SPDYE4: variants seen among roughly 807,000 people sequenced by gnomAD.
SPDYE4 encodes the protein speedy/RINGO cell cycle regulator family member E4.
SPDYE4 carries 30 observed loss-of-function variants against 37.5 expected under a neutral mutation model. The observed-to-expected ratio is 0.80, with a 90% CI of 0.60 to 1.09. The LOEUF is 1.09. Among genes scored for constraint, SPDYE4 ranks in the 50% least tolerant of loss-of-function variants. The pLI is 0.00. For missense variants in SPDYE4, 300 were observed against 307.9 expected (o/e 0.97, Z 0.19); for synonymous variants, 131 against 120.3 (o/e 1.09, Z -0.58).
chr17:8,757,407 C>T lies in SPDYE4; in HGVS notation c.195G>A (p.Leu65=). 6.3e-7 allele frequency: 1 copy of T among 1,592,164 alleles called. No homozygotes were observed. The highest frequency in any genetic ancestry group is 1.3e-5 in the African/African-American group (1 of 74,590). Reference sequence around the variant, plus strand: ...CGCGCTCCAACTCCAGCTCCTCCTCCAGCTCCTCCTCGGATTCGTCTGACC... The same window carrying T: ...CGCGCTCCAACTCCAGCTCCTCCTCTAGCTCCTCCTCGGATTCGTCTGACC... ...SEWSDESEEE[L]EEELELERAP... The change falls in exon 2 of 7, where the codon CTG becomes CTA. Residue 65 remains leucine (L), a synonymous_variant. Transcript: ENST00000689094.
chr17:8,754,739 C>T (rs2086757751), intron 4 of SPDYE4, among the ~76,000 whole-genome samples: 1 of 152,170 alleles, frequency 6.6e-6, no homozygotes, highest in Admixed American at 6.5e-5. Context: ...GCTGGAAGAT[C>T]AGGGGAGGCA....
rs772835013 is a variant in SPDYE4 at position 8,757,237 on chromosome 17, G to A, written c.340+25C>T. 2.5e-6 allele frequency: 4 copies of A among 1,582,344 alleles called. No individual in the cohort carries two copies. In the East Asian group the frequency reaches 9.1e-5, roughly 36 times the overall value. ...ACTTTTTTAAAAGAACAGGGTTGGA[G>A]GTGCTTTTTGGGGTATCCTCCTACC... is the stretch of plus-strand genomic sequence containing the variant. On this transcript the variant is annotated intron_variant, in intron 2 of 6. Coordinates refer to ENST00000689094, the MANE Select transcript of SPDYE4 (RefSeq NM_001394956.1).
downstream of SPDYE4, among the ~76,000 whole-genome samples, chr17:8,748,772 TCTGGAAAGTAATC>T (rs2086707183): frequency 6.6e-6 from 1 of 152,212 alleles, no homozygotes; most frequent in African/African-American, 2.4e-5. Context: ...CTTTATGTAT[TCTGGAAAGTAATC>T]CTGTATTTTT....
At chr17:8,755,348 G>T in intron 4 of SPDYE4, 172 bp downstream of exon 4, 2 of 853,604 alleles carry the variant, frequency 2.3e-6, no homozygotes, top group Non-Finnish European at 3.5e-6. Context: ...CTGCATTTGT[G>T]TTTGTTTTTA....
rs757945955 is a variant in SPDYE4, at chr17:8,758,324, G to A, written c.59C>T (p.Thr20Met). The change falls in exon 1 of 7, where the codon ACG becomes ATG. Residue 20 changes from threonine to methionine, a missense_variant. Transcript: ENST00000689094. ...FEEESPQPSTTVRSPEVVVDD... is the reference protein window; with the variant it reads ...FEEESPQPSTMVRSPEVVVDD... The stretch of plus-strand genomic sequence containing the variant: ...CACCACCACCTCGGGGGACCGTACC[G>A]TTGTGCTAGGCTGGGGGCTCTCCTC... 17 of 1,551,154 alleles carry A rather than the reference G, an allele frequency of 1.1e-5. No homozygotes were observed. In the South Asian group the frequency reaches 1.2e-4, roughly 11 times the overall value.
chr17:8,752,782 A>G (rs940087900), intron 6 of SPDYE4, among the ~76,000 whole-genome samples: 3 of 151,822 alleles, frequency 2.0e-5, no homozygotes, highest in African/African-American at 7.3e-5. Context: ...ACCATAATGA[A>G]CCTCCCTGGA....
rs77689263 is a variant in SPDYE4, at chr17:8,755,005, G to C, written c.485+515C>G. 4.6e-3 allele frequency among the ~76,000 whole-genome samples: 704 copies of C among 152,348 alleles called. 8 individuals are homozygous for C. Among genetic ancestry groups the C allele is most frequent in the African/African-American group, 0.016 (671 of 41,588 alleles). On this transcript the variant is annotated intron_variant, in intron 4 of 6. Coordinates refer to ENST00000689094, the MANE Select transcript of SPDYE4 (RefSeq NM_001394956.1). The stretch of plus-strand genomic sequence containing the variant: ...CAAATCAGCTAAGGAGGTTGTTCAG[G>C]TGGGCAGTGAAGGGGGGGTGGGAGC...
rs1254285796 is a variant in SPDYE4 at position 8,755,610 on chromosome 17, T to C, written c.400-5A>G. ...TATGACCATAGCCAGGAGATACTGA[T>C]GGAGAGAAGGGAGTAGAGAGAGAGA... On this transcript the variant is annotated splice_region_variant and splice_polypyrimidine_tract_variant and intron_variant, in intron 3 of 6. Coordinates refer to ENST00000689094, the MANE Select transcript of SPDYE4 (RefSeq NM_001394956.1). The C allele has an allele frequency of 3.1e-6, 5 of 1,611,806 alleles. No homozygotes were observed. Among genetic ancestry groups the C allele is most frequent in the East Asian group, 4.5e-5 (2 of 44,840 alleles).
chr17:8,753,931 T>A (rs72848104), intron 4 of SPDYE4, among the ~76,000 whole-genome samples: 56 of 152,054 alleles, frequency 3.7e-4, no homozygotes, highest in African/African-American at 1.3e-3. Flanking sequence ...CCCCCCTTCC[T>A]TGTCATGTAT....
chr17:8,753,920 AC>A (rs1412889889), intron 4 of SPDYE4, among the ~76,000 whole-genome samples: 1 of 151,208 alleles, frequency 6.6e-6, no homozygotes, highest in Non-Finnish European at 1.5e-5. Context: ...TTCCTCCCAC[AC>A]CCCCCTTCCT....
At chr17:8,756,903 T>TTTTA (rs1233442097) in intron 2 of SPDYE4, among the ~76,000 whole-genome samples, 1 of 152,070 alleles carries the variant, frequency 6.6e-6, no homozygotes. Context: ...TTTTATTTTA[T>TTTTA]TTTATTTATT....
rs775746897 is a variant in SPDYE4, at chr17:8,753,348, C to T, written c.627G>A (p.Thr209=). The T allele has an allele frequency of 2.5e-6, 4 of 1,578,726 alleles. No homozygotes were observed. Among genetic ancestry groups the T allele is most frequent in the African/African-American group, 2.7e-5 (2 of 74,368 alleles). The change falls in exon 5 of 7, where the codon ACG becomes ACA. Residue 209 remains threonine (T), a synonymous_variant. Transcript: ENST00000689094. ...YQLLCSMRWR[T]WVSPEEMEEI... ...CCTCCATCTCCTCTGGGGAAACCCACGTCCTCCAGCGCATGGAACAGAGGA... is the reference window on the plus strand; with the variant it reads ...CCTCCATCTCCTCTGGGGAAACCCATGTCCTCCAGCGCATGGAACAGAGGA...
intron 4 of SPDYE4, among the ~76,000 whole-genome samples, chr17:8,755,136 C>T (rs1018868770): frequency 2.6e-5 from 4 of 152,182 alleles, no homozygotes; most frequent in Non-Finnish European, 4.4e-5. Flanking sequence ...CTGTGTTATG[C>T]GAGGACGACC....
chr17:8,756,577 G>C (rs1567542470), intron 2 of SPDYE4, 141 bp from the exon 3 acceptor site: 2 of 752,996 alleles, frequency 2.7e-6, no homozygotes, highest in Non-Finnish European at 4.4e-6. Flanking sequence ...GAGGAGAGAA[G>C]GACTTTCACT....
At chr17:8,753,631 G>T in intron 4 of SPDYE4, 142 bp from the exon 5 acceptor site, 1 of 980,404 alleles carries the variant, frequency 1.0e-6, no homozygotes, top group Non-Finnish European at 1.5e-6. Context: ...GCCTTCCTCA[G>T]GAGGCCCCGC....
chr17:8,753,320 C>T lies in SPDYE4; in HGVS notation c.654+1G>A. On this transcript the variant is annotated splice_donor_variant, in intron 5 of 6. Transcript: ENST00000689094. LOFTEE classifies it high-confidence loss of function. ...CCACCTCCTCATATGGCCCCACCTA[C>T]CTCCTCCATCTCCTCTGGGGAAACC... is the stretch of plus-strand genomic sequence containing the variant. 1 of 1,413,582 alleles carries T rather than the reference C, an allele frequency of 7.1e-7. No individual in the cohort carries two copies. Among genetic ancestry groups the T allele is most frequent in the Non-Finnish European group, 9.7e-7 (1 of 1,031,950 alleles). The allele number at this position is 1,413,582 out of a possible 1,614,324, so 87.6% of individuals were successfully genotyped here.
intron 1 of SPDYE4, among the ~76,000 whole-genome samples, chr17:8,758,072 C>T (rs1474600493): frequency 6.6e-6 from 1 of 152,104 alleles, no homozygotes; most frequent in Non-Finnish European, 1.5e-5. Context: ...CTCCTGACCC[C>T]CTTCATTGCT....
chr17:8,758,488 A>AGAGGCTCGG lies in SPDYE4; in HGVS notation c.-115_-107dup. ...ACCCAGAAGAGTGCGTTTCTCTTCT[A>AGAGGCTCGG]GAGGCTCGGGAGAAGTTAGGAGTGA... is the stretch of plus-strand genomic sequence containing the variant. On this transcript the variant is annotated 5_prime_UTR_variant, in exon 1 of 7. Transcript: ENST00000689094. 3.7e-6 allele frequency: 4 copies of AGAGGCTCGG among 1,090,210 alleles called. No homozygotes were observed. 67.5% of individuals were successfully genotyped at this position (1,090,210 alleles called of 1,614,324 possible).
Position 8,753,207 on chromosome 17 carries a change from C to A in SPDYE4, c.655-10G>T, listed in dbSNP as rs1272873467. ...GGTCATAAGCCTGGATCTGGAAAAACACACACCACTTGAGAAGCCAGGGAT... is the reference window on the plus strand; with the variant it reads ...GGTCATAAGCCTGGATCTGGAAAAAAACACACCACTTGAGAAGCCAGGGAT... On this transcript the variant is annotated splice_polypyrimidine_tract_variant and intron_variant, in intron 5 of 6. Coordinates refer to ENST00000689094, the MANE Select transcript of SPDYE4 (RefSeq NM_001394956.1). The A allele has an allele frequency of 1.2e-6, 2 of 1,613,968 alleles. No individual in the cohort carries two copies. The highest frequency in any genetic ancestry group is 8.5e-7 in the Non-Finnish European group (1 of 1,180,004).
Sources: gnomAD v4.1 joint callset for allele counts (sites outside exome capture counted in the v4.1 genomes callset) on GRCh38, gnomAD v4.1.1 for gene constraint, MANE v1.5 for transcripts, NCBI Gene and HGNC (gene_info 2026-07-23, HGNC 2026-07-21) for gene names.